Variants in RSBN1L observed in about 807,000 individuals in gnomAD.
RSBN1L encodes the protein round spermatid basic protein 1 like.
Under a neutral mutation model 67.7 loss-of-function variants are expected in RSBN1L, and 30 were observed. The observed-to-expected ratio is 0.44, with a 90% CI of 0.33 to 0.60. The LOEUF (loss-of-function observed/expected upper bound fraction) is 0.60. RSBN1L is among the 20% of genes least tolerant of loss of function. The probability of loss-of-function intolerance (pLI) is 0.02; values close to 1 mark genes in which losing one functional copy is unlikely to be tolerated. For synonymous variants in RSBN1L, 433 were observed against 387.0 expected (o/e 1.12, Z -1.39); for missense variants, 992 against 1,031.7 (o/e 0.96, Z 0.53).
At position 77,756,276 on chromosome 7, in the gene RSBN1L, C is replaced by T. The variant is rs972702235; in HGVS notation, c.1344+6212C>T. On this transcript the variant is annotated intron_variant, in intron 3 of 7. Coordinates refer to ENST00000334955, the MANE Select transcript of RSBN1L (RefSeq NM_198467.3). ...CTTCCTGAGTAGCTGGGACTGCAGA[C>T]GCGTACCACCACACCTGGCTAATTT... Among the ~76,000 whole-genome samples, 4 of 151,806 alleles carry T rather than the reference C, an allele frequency of 2.6e-5. No individual in the cohort carries two copies. In the South Asian group the frequency reaches 6.2e-4, roughly 24 times the overall value.
intron 1 of RSBN1L, among the ~76,000 whole-genome samples, chr7:77,710,084 C>T (rs910987999): frequency 6.6e-6 from 1 of 152,254 alleles, no homozygotes; most frequent in East Asian, 1.9e-4. Context: ...CACTTTTGCT[C>T]TGTCTTTTCT....
chr7:77,720,763 CTTTTTTTTTT>C lies in RSBN1L; in HGVS notation c.587-15636_587-15627del, dbSNP rs34070122. 1.1e-4 allele frequency among the ~76,000 whole-genome samples: 12 copies of C among 104,358 alleles called. No homozygotes were observed. In the South Asian group the frequency reaches 2.7e-3, roughly 24 times the overall value. The allele number at this position is 104,358 out of a possible 152,430, so 68.5% of individuals were successfully genotyped here. ...TTTCTTTCTTTTTCATTTTCTTTTT[CTTTTTTTTTT>C]TTTTTTTTTTGAGACAGAGTCTCAC... On this transcript the variant is annotated intron_variant, in intron 1 of 7. Transcript: ENST00000334955.
rs150289333 is a variant in RSBN1L at position 77,763,295 on chromosome 7, G to C, written c.1345-2200G>C. Among the ~76,000 whole-genome samples, 1,063 of 151,746 alleles carry C rather than the reference G, an allele frequency of 7.0e-3. 6 individuals carry two copies. The highest frequency in any genetic ancestry group is 0.024 in the African/African-American group (992 of 41,336). ...CCCCTAACTCTAATTTGACTTTTTAGATATATTTCAAAGCACTTGGAAAAT... is the reference window on the plus strand; with the variant it reads ...CCCCTAACTCTAATTTGACTTTTTACATATATTTCAAAGCACTTGGAAAAT... On this transcript the variant is annotated intron_variant, in intron 3 of 7. Coordinates refer to ENST00000334955, the MANE Select transcript of RSBN1L (RefSeq NM_198467.3).
chr7:77,741,570 T>C (rs1237868593), intron 2 of RSBN1L, among the ~76,000 whole-genome samples: 3 of 151,572 alleles, frequency 2.0e-5, no homozygotes, highest in Non-Finnish European at 4.4e-5. Context: ...CAGGCACCTG[T>C]AGTCCCAGCT....
chr7:77,775,675 A>G (rs1264856979), intron 6 of RSBN1L, among the ~76,000 whole-genome samples: 1 of 152,108 alleles, frequency 6.6e-6, no homozygotes, highest in Non-Finnish European at 1.5e-5. Flanking sequence ...GTCAGAGAAC[A>G]TATTCTGTAT....
chr7:77,734,341 T>G (rs1791305475), intron 1 of RSBN1L, among the ~76,000 whole-genome samples: 1 of 152,164 alleles, frequency 6.6e-6, no homozygotes, highest in Non-Finnish European at 1.5e-5. Flanking sequence ...AAGATTAAAT[T>G]GAATTATTGG....
At chr7:77,716,170 C>T (rs1382901767) in intron 1 of RSBN1L, among the ~76,000 whole-genome samples, 3 of 152,034 alleles carry the variant, frequency 2.0e-5, no homozygotes, top group Non-Finnish European at 4.4e-5. Flanking sequence ...TTTTCCTAAC[C>T]CTAGATCACA....
intron 5 of RSBN1L, among the ~76,000 whole-genome samples, chr7:77,772,300 C>T (rs183194683): frequency 6.6e-6 from 1 of 152,168 alleles, no homozygotes; most frequent in Non-Finnish European, 1.5e-5. Flanking sequence ...GGAAGATAGA[C>T]AAGGATGAGA....
At chr7:77,748,301 T>G (rs1315445335) in intron 2 of RSBN1L, among the ~76,000 whole-genome samples, 1 of 152,124 alleles carries the variant, frequency 6.6e-6, no homozygotes, top group African/African-American at 2.4e-5. Context: ...TAATCAAGGA[T>G]GAGCTGGATA....
intron 3 of RSBN1L, among the ~76,000 whole-genome samples, chr7:77,763,597 A>T (rs563052408): frequency 6.6e-6 from 1 of 152,356 alleles, no homozygotes; most frequent in South Asian, 2.1e-4. Context: ...TTTAACTGTT[A>T]GCTCTCTTGA....
chr7:77,721,613 G>C (rs540849361), intron 1 of RSBN1L, among the ~76,000 whole-genome samples: 1 of 152,174 alleles, frequency 6.6e-6, no homozygotes, highest in Non-Finnish European at 1.5e-5. Context: ...ATGGGCAATC[G>C]CATTTTAGCT....
intron 1 of RSBN1L, among the ~76,000 whole-genome samples, chr7:77,726,221 A>G (rs944404342): frequency 2.6e-5 from 4 of 152,226 alleles, no homozygotes; most frequent in African/African-American, 9.6e-5. Context: ...ATTATTAACT[A>G]AAGTCCATAC....
chr7:77,715,128 C>G (rs1461406428), intron 1 of RSBN1L, among the ~76,000 whole-genome samples: 1 of 151,452 alleles, frequency 6.6e-6, no homozygotes, highest in Non-Finnish European at 1.5e-5. Context: ...AAAAATTAGT[C>G]AGGTGTGGTG....
At chr7:77,743,898 ATT>A (rs896880099) in intron 2 of RSBN1L, among the ~76,000 whole-genome samples, 2 of 149,180 alleles carry the variant, frequency 1.3e-5, no homozygotes, top group South Asian at 4.3e-4. Context: ...TTTTTATTTC[ATT>A]TTTTTTGTAG....
At chr7:77,715,555 T>G (rs944506876) in intron 1 of RSBN1L, among the ~76,000 whole-genome samples, 2 of 152,162 alleles carry the variant, frequency 1.3e-5, no homozygotes, top group African/African-American at 4.8e-5. Context: ...GTGATTCGCC[T>G]GCCGTAGCCT....
intron 1 of RSBN1L, among the ~76,000 whole-genome samples, chr7:77,709,075 A>G (rs904174923): frequency 3.9e-5 from 6 of 151,982 alleles, no homozygotes; most frequent in Non-Finnish European, 7.4e-5. Flanking sequence ...GAGTTTTGTT[A>G]TCAGATAGAA....
At chr7:77,719,494 T>C (rs1791088682) in intron 1 of RSBN1L, among the ~76,000 whole-genome samples, 1 of 152,230 alleles carries the variant, frequency 6.6e-6, no homozygotes, top group Non-Finnish European at 1.5e-5. Context: ...CCCCAGGTTG[T>C]ATATATGTGA....
Position 77,765,554 on chromosome 7 carries a change from G to A in RSBN1L, c.1404G>A (p.Leu468=). ...CTGGCCCAATGAGACAAATAAGCTT[G>A]GTGGGAGCAGTTGATGAAGAAGTAG... is the stretch of plus-strand genomic sequence containing the variant. ...YRAGPMRQIS[L]VGAVDEEVGD... The change falls in exon 4 of 8, where the codon TTG becomes TTA. Residue 468 remains leucine (L), a synonymous_variant. Coordinates refer to ENST00000334955, the MANE Select transcript of RSBN1L (RefSeq NM_198467.3). 6.2e-7 allele frequency: 1 copy of A among 1,611,330 alleles called. No homozygotes were observed. The highest frequency in any genetic ancestry group is 1.1e-5 in the South Asian group (1 of 90,546).
Position 77,780,439 on chromosome 7 carries a change from A to G in RSBN1L, c.*1271A>G, listed in dbSNP as rs1584309160. On this transcript the variant is annotated 3_prime_UTR_variant, in exon 8 of 8. Transcript: ENST00000334955. ...GGCCAGATTACATAGCCTACCATAG[A>G]TTTTTTTTATTGTGTATGGGATGAT... is the stretch of plus-strand genomic sequence containing the variant. 1 of 152,134 alleles carries G rather than the reference A, an allele frequency of 6.6e-6. No homozygotes were observed. The highest frequency in any genetic ancestry group is 1.9e-4 in the East Asian group (1 of 5,182). 9.4% of individuals were successfully genotyped at this position (152,134 alleles called of 1,614,324 possible). A position where few individuals can be genotyped will look rare whatever the true frequency, so the allele number is the denominator to read the frequency against.
Sources: allele counts gnomAD v4.1 joint callset (sites outside exome capture counted in the v4.1 genomes callset), GRCh38; gene constraint gnomAD v4.1.1; transcripts MANE v1.5; gene names NCBI Gene and HGNC (gene_info 2026-07-23, HGNC 2026-07-21).